The following VPS13A variants were observed in gnomAD, a reference collection of about 807,000 sequenced individuals.
The protein encoded by VPS13A is intermembrane lipid transfer protein VPS13A.
VPS13A carries 264 observed loss-of-function variants against 390.9 expected under a neutral mutation model. That is an observed-to-expected ratio of 0.68 (90% CI 0.61 to 0.75). The LOEUF is 0.75. VPS13A is among the 30% of genes least tolerant of loss of function. The probability of loss-of-function intolerance (pLI) is 0.00; values close to 1 mark genes in which losing one functional copy is unlikely to be tolerated. For missense variants in VPS13A, 3,409 were observed against 3,733.9 expected, an observed-to-expected ratio of 0.91 and a Z score of 2.27; for synonymous variants, 1,231 against 1,227.1, an observed-to-expected ratio of 1.00 and a Z score of -0.07.
chr9:77,349,330 G>T (rs990334728), intron 52 of VPS13A, among the ~76,000 whole-genome samples: 1 of 151,942 alleles, frequency 6.6e-6, no homozygotes, highest in African/African-American at 2.4e-5. Flanking sequence ...AGGTTCAGGG[G>T]TTACATGTGC....
chr9:77,252,599 C>A (rs572597392), intron 22 of VPS13A, among the ~76,000 whole-genome samples: 2 of 152,282 alleles, frequency 1.3e-5, no homozygotes, highest in East Asian at 3.9e-4. Flanking sequence ...AGAACTGTTT[C>A]TCTTCCAAAC....
At chr9:77,336,887 C>T (rs974083011) in intron 46 of VPS13A, among the ~76,000 whole-genome samples, 2 of 148,852 alleles carry the variant, frequency 1.3e-5, no homozygotes, top group African/African-American at 5.0e-5. Context: ...AGCTCTGCCT[C>T]CCGGGTTCTC....
chr9:77,257,074 T>C (rs939585105), intron 22 of VPS13A, among the ~76,000 whole-genome samples: 2 of 152,192 alleles, frequency 1.3e-5, no homozygotes, highest in Non-Finnish European at 2.9e-5. Context: ...TGATCCCTCA[T>C]TTCCTCCTTT....
intron 71 of VPS13A, among the ~76,000 whole-genome samples, chr9:77,407,931 G>A (rs776246095): frequency 4.0e-4 from 61 of 152,062 alleles, no homozygotes; most frequent in Non-Finnish European, 6.6e-4. Context: ...TAATCCATCA[G>A]CTCCAACAGG....
chr9:77,219,613 T>C (rs531318514), intron 10 of VPS13A, among the ~76,000 whole-genome samples: 62 of 152,324 alleles, frequency 4.1e-4, no homozygotes, highest in African/African-American at 1.4e-3. Context: ...GCATTTCTAA[T>C]GTTCATTCAT....
intron 5 of VPS13A, among the ~76,000 whole-genome samples, chr9:77,208,002 CA>C (rs535482134): frequency 8.6e-5 from 13 of 151,490 alleles, no homozygotes; most frequent in Admixed American, 3.9e-4. Flanking sequence ...CAGTAATATG[CA>C]AAAAAAGAGC....
chr9:77,266,479 A>C (rs1826041843), intron 23 of VPS13A, among the ~76,000 whole-genome samples: 1 of 151,906 alleles, frequency 6.6e-6, no homozygotes, highest in African/African-American at 2.4e-5. Context: ...AAGAATGTTG[A>C]ATATTGGCGC....
chr9:77,337,086 C>T (rs995965436), intron 46 of VPS13A, among the ~76,000 whole-genome samples, 169 bp from the exon 47 acceptor site: 2 of 151,784 alleles, frequency 1.3e-5, no homozygotes, highest in Non-Finnish European at 2.9e-5. Context: ...CATGAGCCAC[C>T]GCGCCTGGCC....
At position 77,293,519 on chromosome 9, in the gene VPS13A, TATTAA is replaced by T. The variant is rs781077920; in HGVS notation, c.3507+16_3507+20del. The T allele has an allele frequency of 9.5e-6, 13 of 1,368,442 alleles. No homozygotes were observed. The highest frequency in any genetic ancestry group is 1.2e-5 in the Non-Finnish European group (12 of 1,027,436). The allele number at this position is 1,368,442 out of a possible 1,614,324, so 84.8% of individuals were successfully genotyped here. A position where few individuals can be genotyped will look rare whatever the true frequency, so the allele number is the denominator to read the frequency against. Reference sequence around the variant, plus strand: ...CTATATTCTATATTGGTAAGTATTTTATTAAATTATTATTTATTTTATACTAATTG... The same window carrying T: ...CTATATTCTATATTGGTAAGTATTTTATTATTATTTATTTTATACTAATTG... On this transcript the variant is annotated intron_variant, in intron 32 of 71. Transcript: ENST00000360280.
chr9:77,234,170 GTTAA>G (rs1191969881), intron 17 of VPS13A, among the ~76,000 whole-genome samples: 2 of 152,022 alleles, frequency 1.3e-5, no homozygotes, highest in East Asian at 1.9e-4. Context: ...AGATATTTAA[GTTAA>G]TTAATTAATT....
At chr9:77,219,027 T>C (rs1398489972) in intron 10 of VPS13A, among the ~76,000 whole-genome samples, 1 of 152,096 alleles carries the variant, frequency 6.6e-6, no homozygotes, top group Non-Finnish European at 1.5e-5. Context: ...AAATAACTGA[T>C]GGTGGAACTT....
chr9:77,327,727 T>G (rs1432482755), intron 45 of VPS13A, among the ~76,000 whole-genome samples: 1 of 152,060 alleles, frequency 6.6e-6, no homozygotes, highest in South Asian at 2.1e-4. Context: ...CTTCATACTT[T>G]TCTCTCTAAA....
intron 31 of VPS13A, 119 bp from the exon 32 acceptor site, chr9:77,293,222 C>T (rs1827776673): frequency 4.5e-6 from 4 of 885,510 alleles, no homozygotes; most frequent in Non-Finnish European, 7.0e-6. Flanking sequence ...TTGTACTTGG[C>T]TTGTGAATAC....
intron 6 of VPS13A, 89 bp downstream of exon 6, chr9:77,209,621 T>C (rs1825861136): frequency 3.8e-6 from 3 of 799,164 alleles, no homozygotes; most frequent in Non-Finnish European, 6.2e-6. Flanking sequence ...ATGGCCAATC[T>C]GTTAAATCCC....
chr9:77,344,276 A>G lies in VPS13A; in HGVS notation c.7150A>G (p.Asn2384Asp). The G allele has an allele frequency of 6.2e-7, 1 of 1,613,412 alleles. No individual in the cohort carries two copies. Among genetic ancestry groups the G allele is most frequent in the Non-Finnish European group, 8.5e-7 (1 of 1,179,648 alleles). Residue 2384 changes from asparagine to aspartate, a missense_variant, in exon 51 of 72, where the codon AAC becomes GAC. Around this residue, in one of 5 missense-constraint regions of VPS13A, gnomAD observed 2,717 missense variants for 2,917.4 expected, o/e 0.93. Coordinates refer to ENST00000360280, the MANE Select transcript of VPS13A (RefSeq NM_033305.3). ...QENCILLRLD[N>D]ELGGIIAEVN... ...AAATTGTATTCTATTGCGTCTAGATAACGAGGTAAGTTTTTTTTTCTTTTT... is the reference window on the plus strand; with the variant it reads ...AAATTGTATTCTATTGCGTCTAGATGACGAGGTAAGTTTTTTTTTCTTTTT...
chr9:77,382,019 T>C lies in VPS13A; in HGVS notation c.9121T>C (p.Phe3041Leu), dbSNP rs1311737108. ...AGTGGAGAGTCTGCGACCTCCTCGG[T>C]TCTTCAATGAAGATGGAGTTATCAG... ...SEVESLRPPR[F>L]FNEDGVIRPY... The change falls in exon 68 of 72, where the codon TTC (phenylalanine) becomes CTC (leucine). Residue 3041 changes from phenylalanine (F) to leucine (L), a missense_variant. Phe to Leu is a conservative substitution (Grantham distance 22). Transcript: ENST00000360280. The C allele has an allele frequency of 2.5e-6, 4 of 1,608,352 alleles. No individual in the cohort carries two copies. Among genetic ancestry groups the C allele is most frequent in the Non-Finnish European group, 3.4e-6 (4 of 1,177,036 alleles).
At position 77,384,935 on chromosome 9, in the gene VPS13A, A is replaced by G. The variant is rs550242123; in HGVS notation, c.9189+2848A>G. 9.0e-5 allele frequency: 115 copies of G among 1,271,698 alleles called. No individual in the cohort carries two copies. The African/African-American group carries it at 1.6e-3, about 18-fold the overall frequency. 78.8% of individuals were successfully genotyped at this position (1,271,698 alleles called of 1,614,324 possible). A position where few individuals can be genotyped will look rare whatever the true frequency, so the allele number is the denominator to read the frequency against. On this transcript the variant is annotated intron_variant, in intron 68 of 71. Coordinates refer to ENST00000360280, the MANE Select transcript of VPS13A (RefSeq NM_033305.3). ...TATATATTTTATAGCTTTGTATTGC[A>G]TAGTTTGTCTTTAAGAGTTCAAGTT...
At chr9:77,382,338 A>C (rs1438313552) in intron 68 of VPS13A, 3 of 1,535,858 alleles carry the variant, frequency 2.0e-6, no homozygotes, top group Non-Finnish European at 2.6e-6. Context: ...AGCCAACAGT[A>C]GATTTTAGTC....
intron 5 of VPS13A, among the ~76,000 whole-genome samples, chr9:77,206,636 C>T (rs1258212643): frequency 6.6e-6 from 1 of 152,104 alleles, no homozygotes; most frequent in African/African-American, 2.4e-5. Context: ...TCCTTTTCAC[C>T]TGTTCTCTGA....
Sources: allele counts gnomAD v4.1 joint callset (sites outside exome capture counted in the v4.1 genomes callset), GRCh38; gene constraint gnomAD v4.1.1; regional missense constraint gnomAD v4.1.1; transcripts MANE v1.5; gene names NCBI Gene and HGNC (gene_info 2026-07-23, HGNC 2026-07-21).